The following TXNRD1 variants were observed in gnomAD, a reference collection of about 807,000 sequenced individuals.
The protein encoded by TXNRD1 is thioredoxin reductase 1, cytoplasmic.
TXNRD1 carries 57 observed loss-of-function variants against 80.3 expected under a neutral mutation model. The ratio of observed to expected loss-of-function variants is 0.71; its 90% CI spans 0.57 to 0.89. The LOEUF (loss-of-function observed/expected upper bound fraction) is 0.89. Ranked by LOEUF, TXNRD1 falls within the 40% of genes least tolerant of loss-of-function variation. TXNRD1 has a pLI of 0.00. For synonymous variants in TXNRD1, 291 were observed against 285.2 expected (o/e 1.02, Z -0.20); for missense variants, 730 against 803.0 (o/e 0.91, Z 1.10).
intron 3 of TXNRD1, among the ~76,000 whole-genome samples, chr12:104,286,367 A>G (rs2033971389): frequency 1.3e-5 from 2 of 152,226 alleles, no homozygotes; most frequent in South Asian, 2.1e-4. Context: ...AAAAAAAACA[A>G]TAAATACCAA....
chr12:104,335,311 C>G (rs1204359547), intron 15 of TXNRD1, among the ~76,000 whole-genome samples: 1 of 149,276 alleles, frequency 6.7e-6, no homozygotes, highest in African/African-American at 2.5e-5. Flanking sequence ...AAGTGATTTT[C>G]CTGCCTCAGC....
At chr12:104,226,950 C>CA (rs1467611123) in intron 1 of TXNRD1, among the ~76,000 whole-genome samples, 9 of 152,164 alleles carry the variant, frequency 5.9e-5, no homozygotes, top group Non-Finnish European at 1.2e-4. Context: ...TATGGTAAGT[C>CA]AGTAGCTCAA....
At chr12:104,257,993 C>T (rs377303165) in intron 2 of TXNRD1, 26 bp from the exon 3 acceptor site, 29 of 1,517,024 alleles carry the variant, frequency 1.9e-5, no homozygotes, top group African/African-American at 5.6e-5. Context: ...TTTTCATTTT[C>T]CTCCTTGTTT....
chr12:104,264,223 A>T (rs2033427154), intron 3 of TXNRD1, among the ~76,000 whole-genome samples: 1 of 152,222 alleles, frequency 6.6e-6, no homozygotes, highest in Non-Finnish European at 1.5e-5. Flanking sequence ...CCTCTGCCTC[A>T]CTTCCAATTT....
At chr12:104,224,927 G>A (rs1293101512) in intron 1 of TXNRD1, 1 of 456,516 alleles carries the variant, frequency 2.2e-6, no homozygotes, top group East Asian at 6.9e-5. Flanking sequence ...TTATGAGGGT[G>A]AGAGAATGCA....
intron 4 of TXNRD1, chr12:104,304,054 C>T: frequency 6.2e-7 from 1 of 1,613,870 alleles, no homozygotes; most frequent in Non-Finnish European, 8.5e-7. Flanking sequence ...GCCGCAGCAT[C>T]CGCAGGCAGT....
chr12:104,274,058 A>T (rs1205523616), intron 3 of TXNRD1, among the ~76,000 whole-genome samples: 25 of 152,160 alleles, frequency 1.6e-4, no homozygotes, highest in Admixed American at 1.6e-3. Context: ...TCTCAAAAAC[A>T]AAACAAAACA....
chr12:104,339,170 CA>C lies in TXNRD1; in HGVS notation c.1781del (p.Asn594MetfsTer17). 1 of 1,613,950 alleles carries C rather than the reference CA, an allele frequency of 6.2e-7. No individual in the cohort carries two copies. Among genetic ancestry groups the C allele is most frequent in the Non-Finnish European group, 8.5e-7 (1 of 1,179,892 alleles). ...ERVVGFHVLG[P>X]NAGEVTQGFA... ...GTTGTGGGCTTTCACGTACTGGGTCCAAATGCTGGAGAAGTTACACAAGGCT... is the reference window on the plus strand; with the variant it reads ...GTTGTGGGCTTTCACGTACTGGGTCCAATGCTGGAGAAGTTACACAAGGCT... On this transcript the variant is annotated frameshift_variant, in exon 16 of 17. Transcript: ENST00000525566. LOFTEE classifies it high-confidence loss of function.
chr12:104,223,645 G>A lies in TXNRD1; in HGVS notation c.91+7752G>A, dbSNP rs141311267. Among the ~76,000 whole-genome samples the A allele has an allele frequency of 6.6e-3, 1,008 of 152,296 alleles. 15 individuals are homozygous for A. The highest frequency in any genetic ancestry group is 0.023 in the African/African-American group (966 of 41,552). On this transcript the variant is annotated intron_variant, in intron 1 of 16. Transcript: ENST00000525566. The stretch of plus-strand genomic sequence containing the variant: ...GCTGGACTGGTAAAAATCCTTACCT[G>A]TGGGAAGGGAGGGTGTGTCCAGTTG...
chr12:104,220,586 G>T (rs558974175), intron 1 of TXNRD1, among the ~76,000 whole-genome samples: 1 of 152,044 alleles, frequency 6.6e-6, no homozygotes, highest in East Asian at 1.9e-4. Flanking sequence ...TTAGCTGGGC[G>T]TGGTAGCACA....
intron 1 of TXNRD1, among the ~76,000 whole-genome samples, chr12:104,225,911 G>A (rs4321026): frequency 0.66 from 99,570 of 151,542 alleles, 33,199 homozygotes; most frequent in Non-Finnish European, 0.72. Flanking sequence ...ATAGAAAAAG[G>A]AGCTTATGCC....
At chr12:104,257,291 T>C (rs557224478) in intron 2 of TXNRD1, among the ~76,000 whole-genome samples, 1 of 152,254 alleles carries the variant, frequency 6.6e-6, no homozygotes, top group East Asian at 1.9e-4. Flanking sequence ...TTGTAACTGA[T>C]TTATTGGTTG....
chr12:104,304,951 A>G, intron 4 of TXNRD1: 2 of 1,551,470 alleles, frequency 1.3e-6, no homozygotes, highest in Non-Finnish European at 1.7e-6. Flanking sequence ...TTCTTAGTAT[A>G]GCATCCTTTT....
intron 1 of TXNRD1, among the ~76,000 whole-genome samples, chr12:104,229,429 A>T (rs1175994728): frequency 4.0e-5 from 6 of 151,804 alleles, no homozygotes; most frequent in Non-Finnish European, 7.4e-5. Context: ...TTATAAGTGG[A>T]ATCATACAAT....
At chr12:104,287,895 T>C (rs1593754437) in intron 3 of TXNRD1, among the ~76,000 whole-genome samples, 1 of 152,228 alleles carries the variant, frequency 6.6e-6, no homozygotes, top group East Asian at 1.9e-4. Flanking sequence ...GGTTGTGAAG[T>C]TGAAATGTAA....
chr12:104,241,134 G>A (rs1455481911), intron 1 of TXNRD1, among the ~76,000 whole-genome samples: 2 of 151,664 alleles, frequency 1.3e-5, no homozygotes, highest in Non-Finnish European at 2.9e-5. Context: ...CTGCCTCACA[G>A]GTTCAAGTGA....
intron 10 of TXNRD1, among the ~76,000 whole-genome samples, chr12:104,323,224 C>T (rs1168050360): frequency 4.3e-5 from 6 of 140,736 alleles, no homozygotes; most frequent in East Asian, 4.3e-4. Flanking sequence ...GACACGGCAA[C>T]CATCCGATTT....
At chr12:104,285,346 T>C (rs1186221899) in intron 3 of TXNRD1, among the ~76,000 whole-genome samples, 1 of 152,066 alleles carries the variant, frequency 6.6e-6, no homozygotes. Context: ...CAAGAAGGAT[T>C]TGAAAGAAAA....
chr12:104,265,269 A>C, intron 3 of TXNRD1: 1 of 1,519,046 alleles, frequency 6.6e-7, no homozygotes, highest in Non-Finnish European at 8.8e-7. Context: ...AAAAAAAAAA[A>C]CTTCCTTTTG....
Sources: allele counts gnomAD v4.1 joint callset (sites outside exome capture counted in the v4.1 genomes callset), GRCh38; gene constraint gnomAD v4.1.1; transcripts MANE v1.5; gene names NCBI Gene and HGNC (gene_info 2026-07-23, HGNC 2026-07-21).